Variants in ASTE1 observed in about 807,000 individuals in gnomAD.
The protein encoded by ASTE1 is single-strand DNA endonuclease ASTE1.
ASTE1 carries 49 observed loss-of-function variants against 45.8 expected under a neutral mutation model. That is an observed-to-expected ratio of 1.07 (90% CI 0.85 to 1.36). The LOEUF (loss-of-function observed/expected upper bound fraction) is 1.36, where lower values mean the gene tolerates loss of function less well. Ranked by LOEUF, ASTE1 falls within the 40% of genes most tolerant of loss-of-function variation. ASTE1 has a pLI of 0.00. For missense variants in ASTE1, 709 were observed against 804.0 expected (o/e 0.88, Z 1.43); for synonymous variants, 296 against 303.9 (o/e 0.97, Z 0.27).
chr3:131,025,293 C>T lies in ASTE1; in HGVS notation c.14G>A (p.Gly5Glu). Residue 5 changes from glycine to glutamate, a missense_variant, in exon 3 of 6, where the codon GGA (glycine) becomes GAA (glutamate). Gly to Glu is a moderately conservative substitution (Grantham distance 98). Coordinates refer to ENST00000264992, the MANE Select transcript of ASTE1 (RefSeq NM_014065.4). MGIR[G>E]LMSFVEDHSN... ...ATGATCTTCCACAAAACTCATTAGT[C>T]CTCGGATACCCATGATGACAGTCTA... 1 of 1,612,184 alleles carries T rather than the reference C, an allele frequency of 6.2e-7. No individual in the cohort carries two copies. The highest frequency in any genetic ancestry group is 8.5e-7 in the Non-Finnish European group (1 of 1,178,694).
intron 3 of ASTE1, among the ~76,000 whole-genome samples, chr3:131,023,629 C>A (rs1384207042): frequency 6.6e-6 from 1 of 152,074 alleles, no homozygotes; most frequent in African/African-American, 2.4e-5. Context: ...TGATTAGTGT[C>A]TATACACTTT....
Position 131,018,493 on chromosome 3 carries a change from T to C in ASTE1, c.1513+13A>G. The C allele has an allele frequency of 6.2e-7, 1 of 1,611,098 alleles. No homozygotes were observed. Among genetic ancestry groups the C allele is most frequent in the Non-Finnish European group, 8.5e-7 (1 of 1,177,320 alleles). ...CATGCCACAATATACTCCTGTAATT[T>C]CCAGTTACCTACCAGGGCTGTTGAT... On this transcript the variant is annotated intron_variant, in intron 4 of 5. Transcript: ENST00000264992.
chr3:131,014,459 A>G, intron 5 of ASTE1, 72 bp from the exon 6 acceptor site: 1 of 1,404,266 alleles, frequency 7.1e-7, no homozygotes, highest in Non-Finnish European at 9.6e-7. Context: ...CCATTGACAT[A>G]GCTTCAACAA....
At chr3:131,015,322 A>G (rs1419883082) in intron 5 of ASTE1, 9 of 658,298 alleles carry the variant, frequency 1.4e-5, no homozygotes, top group Non-Finnish European at 2.2e-5. Flanking sequence ...TGGAGAGACA[A>G]ACAAAACACA....
In ASTE1 at chr3:131,014,207, T is replaced by C; in HGVS notation, c.1890A>G (p.Lys630=). The C allele has an allele frequency of 1.9e-6, 3 of 1,614,110 alleles. No homozygotes were observed. The South Asian group carries it at 3.3e-5, about 18-fold the overall frequency. ...TGGTATTCTGTTTCTTCTGCCTTTT[T>C]TTTTTTGAATTTGATCTACCTTTTG... The part of the protein sequence containing the change: ...FLPKGRSNSK[K]KRQKKQNTSC... The change falls in exon 6 of 6, where the codon AAA becomes AAG. Residue 630 remains lysine (K), a synonymous_variant. Transcript: ENST00000264992.
chr3:131,016,356 C>T lies in ASTE1; in HGVS notation c.1514-17G>A, dbSNP rs1282173869. On this transcript the variant is annotated splice_polypyrimidine_tract_variant and intron_variant, in intron 4 of 5. Transcript: ENST00000264992. ...CTTCCTTACCTAAATAAAGAAACAGCCCAAGGGCAGTATTTCTAAAAGCAC... is the reference window on the plus strand; with the variant it reads ...CTTCCTTACCTAAATAAAGAAACAGTCCAAGGGCAGTATTTCTAAAAGCAC... 1.2e-6 allele frequency: 2 copies of T among 1,614,014 alleles called. No homozygotes were observed. The highest frequency in any genetic ancestry group is 3.3e-5 in the Admixed American group (2 of 60,030).
rs987460051 is a variant in ASTE1, at chr3:131,024,875, G to A, written c.432C>T (p.Asp144=). The A allele has an allele frequency of 5.6e-6, 9 of 1,614,136 alleles. No homozygotes were observed. Among genetic ancestry groups the A allele is most frequent in the Admixed American group, 1.7e-5 (1 of 60,006 alleles). ...FVQCFSEADR[D]IMTLANHWNC... ...TCCAATGGTTAGCAAGTGTCATAAT[G>A]TCCCGATCTGCTTCTGAAAAGCACT... The change falls in exon 3 of 6, where the codon GAC becomes GAT. Residue 144 remains aspartate (D), a synonymous_variant. Transcript: ENST00000264992.
rs531189741 is a variant in ASTE1 at position 131,024,598 on chromosome 3, T to C, written c.709A>G (p.Ser237Gly). The change falls in exon 3 of 6, where the codon AGT (serine) becomes GGT (glycine). Residue 237 changes from serine (S) to glycine (G), a missense_variant. Ser to Gly is a moderately conservative substitution (Grantham distance 56). Coordinates refer to ENST00000264992, the MANE Select transcript of ASTE1 (RefSeq NM_014065.4). ...GCTCCAAGAGGAAGACGCGCTTTAC[T>C]TAAGAATGTCTCCATGATGGGTAGA... is the stretch of plus-strand genomic sequence containing the variant. ...VNLPIMETFLSKARLPLGATS... is the reference protein window; with the variant it reads ...VNLPIMETFLGKARLPLGATS... The C allele has an allele frequency of 9.9e-6, 16 of 1,611,832 alleles. No homozygotes were observed. The South Asian group carries it at 1.3e-4, about 13-fold the overall frequency.
chr3:131,023,328 C>T (rs1358712995), intron 3 of ASTE1, among the ~76,000 whole-genome samples: 1 of 151,966 alleles, frequency 6.6e-6, no homozygotes, highest in Non-Finnish European at 1.5e-5. Flanking sequence ...CTTTTATCAG[C>T]ATAGTTTCAT....
intron 4 of ASTE1, chr3:131,016,675 T>A: frequency 2.9e-6 from 1 of 344,702 alleles, no homozygotes; most frequent in Non-Finnish European, 5.5e-6. Context: ...CAAATGACTA[T>A]TAAATATTAT....
Position 131,016,305 on chromosome 3 carries a change from C to A in ASTE1, c.1548G>T (p.Met516Ile). 6.2e-7 allele frequency: 1 copy of A among 1,610,918 alleles called. No homozygotes were observed. The highest frequency in any genetic ancestry group is 8.5e-7 in the Non-Finnish European group (1 of 1,176,926). ...KEELQEDGAK[M>I]LYAEFQRVKA... is the part of the protein sequence containing the mutation. ...TCACTCTTTGGAACTCTGCATACAA[C>A]ATCTTAGCACCATCTTCCTGCAGCT... The change falls in exon 5 of 6, where the codon ATG becomes ATT. Residue 516 changes from methionine (M) to isoleucine (I), a missense_variant. Coordinates refer to ENST00000264992, the MANE Select transcript of ASTE1 (RefSeq NM_014065.4).
At chr3:131,025,673 A>G (rs2109109916) in intron 1 of ASTE1, 79 bp from the exon 2 acceptor site, 1 of 208,372 alleles carries the variant, frequency 4.8e-6, no homozygotes, top group South Asian at 1.3e-4. Context: ...AAGTGGTAAT[A>G]GTCAACATCT....
rs772859346 is a variant in ASTE1, at chr3:131,024,026, AGAATG to A, written c.1276_1280del (p.His426Ter). On this transcript the variant is annotated frameshift_variant, in exon 3 of 6. Coordinates refer to ENST00000264992, the MANE Select transcript of ASTE1 (RefSeq NM_014065.4). LOFTEE classifies it high-confidence loss of function. Reference sequence around the variant, plus strand: ...TTACCTCAGTCAATCTGCTTAAGTCAGAATGATCCTTGGCCAGTTCTACTGCATCA... The same window carrying A: ...TTACCTCAGTCAATCTGCTTAAGTCAATCCTTGGCCAGTTCTACTGCATCA... The A allele has an allele frequency of 8.7e-6, 14 of 1,604,442 alleles. No homozygotes were observed. Among genetic ancestry groups the A allele is most frequent in the Non-Finnish European group, 1.1e-5 (13 of 1,173,602 alleles).
intron 4 of ASTE1, chr3:131,016,665 C>T (rs529551500): frequency 1.4e-4 from 50 of 354,448 alleles, no homozygotes; most frequent in Middle Eastern, 1.9e-3. Flanking sequence ...ATGAAAAATA[C>T]AAATGACTAT....
In ASTE1 at chr3:131,024,573, G is replaced by A. The variant is rs1302279318; in HGVS notation, c.734C>T (p.Ala245Val). Residue 245 changes from alanine (A) to valine (V), a missense_variant, in exon 3 of 6, where the codon GCT (alanine) becomes GTT (valine). Transcript: ENST00000264992. ...GTGTCTCCTCCCTTTAGAACTGGTA[G>A]CTCCAAGAGGAAGACGCGCTTTACT... is the stretch of plus-strand genomic sequence containing the variant. ...FLSKARLPLG[A>V]TSSKGRRHHR... The A allele has an allele frequency of 1.9e-6, 3 of 1,613,588 alleles. No homozygotes were observed. The Admixed American group carries it at 5.0e-5, about 27-fold the overall frequency.
intron 4 of ASTE1, 148 bp from the exon 5 acceptor site, chr3:131,016,487 G>T: frequency 1.1e-6 from 1 of 876,810 alleles, no homozygotes; most frequent in Non-Finnish European, 1.7e-6. Flanking sequence ...TAAATGCCTT[G>T]CTGTATAAAT....
At chr3:131,014,552 A>G (rs1309401795) in intron 5 of ASTE1, among the ~76,000 whole-genome samples, 165 bp from the exon 6 acceptor site, 4 of 152,224 alleles carry the variant, frequency 2.6e-5, no homozygotes, top group Admixed American at 2.6e-4. Flanking sequence ...GAAGGAAGGA[A>G]CTGAGCTGGT....
chr3:131,017,407 A>T (rs1476184846), intron 4 of ASTE1, among the ~76,000 whole-genome samples: 1 of 152,256 alleles, frequency 6.6e-6, no homozygotes, highest in African/African-American at 2.4e-5. Context: ...GCCTATAGCC[A>T]TATGTAACTA....
chr3:131,021,616 A>G (rs1396963012), intron 3 of ASTE1, among the ~76,000 whole-genome samples: 3 of 152,224 alleles, frequency 2.0e-5, no homozygotes, highest in Non-Finnish European at 4.4e-5. Context: ...GCATGGATGT[A>G]TAGACCTTGC....
Sources: gnomAD v4.1 joint callset for allele counts (sites outside exome capture counted in the v4.1 genomes callset) on GRCh38, gnomAD v4.1.1 for gene constraint, MANE v1.5 for transcripts, NCBI Gene and HGNC (gene_info 2026-07-23, HGNC 2026-07-21) for gene names.